Variants in NBEA observed in about 807,000 individuals in gnomAD.
The protein encoded by NBEA is lysosomal-trafficking regulator 2.
In NBEA, 44 loss-of-function variants were observed where a neutral mutation model predicts 343.4. The observed-to-expected ratio is 0.13, with a 90% CI of 0.10 to 0.16. The LOEUF (loss-of-function observed/expected upper bound fraction) is 0.16, where lower values mean the gene tolerates loss of function less well. Ranked by LOEUF, NBEA falls within the 10% of genes least tolerant of loss-of-function variation. The pLI is 1.00. For synonymous variants in NBEA, 1,175 were observed against 1,238.7 expected (o/e 0.95, Z 1.08); for missense variants, 2,555 against 3,631.3 (o/e 0.70, Z 7.62).
rs186090689 is a variant in NBEA, at chr13:35,311,778, C to T, written c.5903+2186C>T. Among the ~76,000 whole-genome samples, 189 of 152,068 alleles carry T rather than the reference C, an allele frequency of 1.2e-3. 1 individual carries two copies. Among genetic ancestry groups the T allele is most frequent in the Middle Eastern group, 0.01 (3 of 294 alleles). ...CTGAGGCAGGAGAATCACTTGAGCC[C>T]GGGAGGTGGAGGTTGCAGTGAGCCA... On this transcript the variant is annotated intron_variant, in intron 36 of 58. Coordinates refer to ENST00000379939, the MANE Select transcript of NBEA (RefSeq NM_001385012.1).
Position 35,554,968 on chromosome 13 carries a change from T to A in NBEA, c.6807-19T>A. 1 of 1,330,434 alleles carries A rather than the reference T, an allele frequency of 7.5e-7. No homozygotes were observed. The allele number at this position is 1,330,434 out of a possible 1,614,324, so 82.4% of individuals were successfully genotyped here. A position where few individuals can be genotyped will look rare whatever the true frequency, so the allele number is the denominator to read the frequency against. Reference sequence around the variant, plus strand: ...TGAATTAAAGAGACTATGTTTGTTATGCTGTGCTTAATTGCTAGGAGGATA... The same window carrying A: ...TGAATTAAAGAGACTATGTTTGTTAAGCTGTGCTTAATTGCTAGGAGGATA... On this transcript the variant is annotated intron_variant, in intron 43 of 58. Coordinates refer to ENST00000379939, the MANE Select transcript of NBEA (RefSeq NM_001385012.1).
intron 35 of NBEA, among the ~76,000 whole-genome samples, chr13:35,296,313 G>A (rs1227300699): frequency 6.6e-6 from 1 of 151,542 alleles, no homozygotes; most frequent in African/African-American, 2.4e-5. Flanking sequence ...CCCGGGAGGT[G>A]GAGGTTGCAT....
chr13:35,417,894 A>G (rs2044026934), intron 38 of NBEA, among the ~76,000 whole-genome samples: 1 of 152,092 alleles, frequency 6.6e-6, no homozygotes, highest in African/African-American at 2.4e-5. Context: ...GTCTCTAAGG[A>G]CTTGCTTTAT....
At chr13:35,375,425 A>G (rs753775092) in intron 38 of NBEA, among the ~76,000 whole-genome samples, 1 of 152,090 alleles carries the variant, frequency 6.6e-6, no homozygotes, top group Non-Finnish European at 1.5e-5. Flanking sequence ...TGTTTTTCTG[A>G]TTTCAAAAGG....
intron 36 of NBEA, among the ~76,000 whole-genome samples, chr13:35,345,781 G>A (rs528329006): frequency 1.5e-3 from 225 of 152,174 alleles, no homozygotes; most frequent in African/African-American, 5.2e-3. Flanking sequence ...GAGCAGCAAG[G>A]ATAGGAGATC....
chr13:35,665,037 C>A lies in NBEA; in HGVS notation c.8363-48C>A, dbSNP rs764564257. 3.0e-5 allele frequency: 38 copies of A among 1,245,986 alleles called. 1 individual carries two copies. In the South Asian group the frequency reaches 4.9e-4, roughly 16 times the overall value. The allele number at this position is 1,245,986 out of a possible 1,614,324, so 77.2% of individuals were successfully genotyped here. ...TATTGCATTGCTGGTGTAGCTCTCT[C>A]CCCCTGCTATTGGTCTGTAGTGCCT... On this transcript the variant is annotated intron_variant, in intron 55 of 58. Transcript: ENST00000379939.
chr13:35,518,348 C>T (rs2077563517), intron 41 of NBEA, among the ~76,000 whole-genome samples: 1 of 151,748 alleles, frequency 6.6e-6, no homozygotes. Flanking sequence ...ACTATTTATC[C>T]CCATTTAACA....
At chr13:35,613,070 A>G (rs2082592078) in intron 48 of NBEA, among the ~76,000 whole-genome samples, 1 of 149,760 alleles carries the variant, frequency 6.7e-6, no homozygotes, top group Non-Finnish European at 1.5e-5. Flanking sequence ...TTTAAAATAT[A>G]TTTTAAAAAT....
intron 24 of NBEA, 64 bp from the exon 25 acceptor site, chr13:35,168,923 A>G: frequency 8.8e-7 from 1 of 1,137,172 alleles, no homozygotes; most frequent in Non-Finnish European, 1.2e-6. Flanking sequence ...TTTTCATTTA[A>G]TTTAATAATT....
intron 45 of NBEA, among the ~76,000 whole-genome samples, chr13:35,577,539 C>G (rs770852321): frequency 6.6e-6 from 1 of 152,008 alleles, no homozygotes; most frequent in Non-Finnish European, 1.5e-5. Flanking sequence ...TTTGTAAGAG[C>G]ACATTTTTAA....
At chr13:35,086,226 CTACTT>C (rs1483557932) in intron 10 of NBEA, among the ~76,000 whole-genome samples, 2 of 152,078 alleles carry the variant, frequency 1.3e-5, no homozygotes, top group East Asian at 3.9e-4. Flanking sequence ...TTGTAAAAAA[CTACTT>C]TAAAGTCCAT....
At chr13:35,092,432 G>C (rs2065133812) in intron 10 of NBEA, among the ~76,000 whole-genome samples, 1 of 151,952 alleles carries the variant, frequency 6.6e-6, no homozygotes, top group Non-Finnish European at 1.5e-5. Flanking sequence ...AAAAGACACA[G>C]TACAGGCTGG....
At chr13:35,218,763 G>T (rs1377181146) in intron 33 of NBEA, among the ~76,000 whole-genome samples, 1 of 151,752 alleles carries the variant, frequency 6.6e-6, no homozygotes, top group Admixed American at 6.6e-5. Flanking sequence ...TGATCATGTG[G>T]TTTTTCTCCT....
chr13:35,256,602 G>A (rs1041002329), intron 34 of NBEA, among the ~76,000 whole-genome samples: 3 of 152,142 alleles, frequency 2.0e-5, no homozygotes, highest in Admixed American at 6.5e-5. Flanking sequence ...TGTTCATGCC[G>A]AGGGGCGCCT....
At chr13:35,415,161 A>C (rs1005517674) in intron 38 of NBEA, among the ~76,000 whole-genome samples, 5 of 152,130 alleles carry the variant, frequency 3.3e-5, no homozygotes, top group Admixed American at 2.6e-4. Flanking sequence ...AGATTGCAGA[A>C]ATTTTCTCCC....
chr13:35,235,409 G>A (rs1163425405), intron 34 of NBEA, among the ~76,000 whole-genome samples: 2 of 152,192 alleles, frequency 1.3e-5, no homozygotes, highest in South Asian at 2.1e-4. Context: ...TTCCTAAAAT[G>A]ATTTGATAGG....
intron 17 of NBEA, among the ~76,000 whole-genome samples, chr13:35,134,180 G>A (rs951754930): frequency 2.6e-5 from 4 of 151,984 alleles, no homozygotes; most frequent in Admixed American, 6.6e-5. Flanking sequence ...CATTTGAGAT[G>A]CAAAAGAACT....
At chr13:35,025,597 C>G (rs1164371887) in intron 1 of NBEA, among the ~76,000 whole-genome samples, 2 of 151,860 alleles carry the variant, frequency 1.3e-5, no homozygotes. Context: ...AGTGTAATGC[C>G]TCTGGTTTTC....
In NBEA at chr13:35,426,102, A is replaced by G. The variant is rs530893677; in HGVS notation, c.6180-6167A>G. On this transcript the variant is annotated intron_variant, in intron 38 of 58. Coordinates refer to ENST00000379939, the MANE Select transcript of NBEA (RefSeq NM_001385012.1). Reference sequence around the variant, plus strand: ...CTGATGGGTCTTGACTCTTTATCCAATTTGCCAGTCTGTTTCTTTTAATTG... The same window carrying G: ...CTGATGGGTCTTGACTCTTTATCCAGTTTGCCAGTCTGTTTCTTTTAATTG... Among the ~76,000 whole-genome samples the G allele has an allele frequency of 4.5e-3, 687 of 152,230 alleles. 2 individuals carry two copies. Among genetic ancestry groups the G allele is most frequent in the Non-Finnish European group, 7.4e-3 (505 of 68,022 alleles).
Sources: gnomAD v4.1 joint callset for allele counts (sites outside exome capture counted in the v4.1 genomes callset) on GRCh38, gnomAD v4.1.1 for gene constraint, MANE v1.5 for transcripts, NCBI Gene and HGNC (gene_info 2026-07-23, HGNC 2026-07-21) for gene names.